TTC28: variants seen among roughly 807,000 people sequenced by gnomAD.
TTC28 encodes the protein tetratricopeptide repeat protein 28.
In TTC28, 61 loss-of-function variants were observed where a neutral mutation model predicts 198.0. The ratio of observed to expected loss-of-function variants is 0.31; its 90% CI spans 0.25 to 0.38. The LOEUF (loss-of-function observed/expected upper bound fraction) is 0.38. TTC28 is among the 10% of genes least tolerant of loss of function. The probability of loss-of-function intolerance (pLI) is 1.00; values close to 1 mark genes in which losing one functional copy is unlikely to be tolerated. For synonymous variants in TTC28, 1,171 were observed against 1,297.8 expected, an observed-to-expected ratio of 0.90 and a Z score of 2.10; for missense variants, 2,678 against 3,164.0, an observed-to-expected ratio of 0.85 and a Z score of 3.69.
At chr22:28,356,984 T>C (rs1047096054) in intron 2 of TTC28, among the ~76,000 whole-genome samples, 21 of 152,052 alleles carry the variant, frequency 1.4e-4, no homozygotes, top group African/African-American at 5.1e-4. Flanking sequence ...GGCCATGCTA[T>C]ATAATAATAA....
At chr22:28,588,141 C>A (rs1445294641) in intron 2 of TTC28, among the ~76,000 whole-genome samples, 80 of 138,756 alleles carry the variant, frequency 5.8e-4, no homozygotes, top group Admixed American at 7.0e-4. Flanking sequence ...GACTCCGTCT[C>A]AAAAAAAAAA....
At chr22:28,429,917 C>T (rs978834775) in intron 2 of TTC28, among the ~76,000 whole-genome samples, 1 of 152,082 alleles carries the variant, frequency 6.6e-6, no homozygotes, top group Non-Finnish European at 1.5e-5. Flanking sequence ...TTTTCACCAT[C>T]CAGACTATGA....
chr22:28,673,300 G>A (rs1182114455), intron 1 of TTC28, among the ~76,000 whole-genome samples: 5 of 152,160 alleles, frequency 3.3e-5, no homozygotes, highest in Non-Finnish European at 7.3e-5. Flanking sequence ...CGTGAACCCA[G>A]AAGGCGGAGC....
chr22:28,385,040 C>G (rs1018785271), intron 2 of TTC28, among the ~76,000 whole-genome samples: 1 of 150,186 alleles, frequency 6.7e-6, no homozygotes, highest in African/African-American at 2.4e-5. Context: ...ACTCGGGAGG[C>G]TGAGGCAGAA....
chr22:28,500,881 T>G (rs1229350340), intron 2 of TTC28, among the ~76,000 whole-genome samples: 1 of 152,162 alleles, frequency 6.6e-6, no homozygotes, highest in Non-Finnish European at 1.5e-5. Flanking sequence ...TCACTTGAGA[T>G]GCTGCATTGT....
chr22:28,029,109 T>C (rs770951566), intron 13 of TTC28: 34 of 471,064 alleles, frequency 7.2e-5, no homozygotes, highest in Non-Finnish European at 1.3e-4. Context: ...GCAAACCTGG[T>C]TGCATCCCTA....
At chr22:28,023,977 A>T (rs1032375033) in intron 13 of TTC28, among the ~76,000 whole-genome samples, 13 of 152,174 alleles carry the variant, frequency 8.5e-5, no homozygotes, top group Non-Finnish European at 1.6e-4. Context: ...TAATCAGCAG[A>T]CGCGCACTGC....
chr22:28,330,973 T>C (rs1421658477), intron 2 of TTC28, among the ~76,000 whole-genome samples: 1 of 152,162 alleles, frequency 6.6e-6, no homozygotes, highest in Non-Finnish European at 1.5e-5. Context: ...GTTTAAAAAT[T>C]ATGCTGTAAA....
intron 2 of TTC28, among the ~76,000 whole-genome samples, chr22:28,607,750 C>T (rs1031269502): frequency 6.6e-6 from 1 of 152,138 alleles, no homozygotes; most frequent in Non-Finnish European, 1.5e-5. Context: ...CCACCTATAG[C>T]AGATGATTGT....
intron 14 of TTC28, among the ~76,000 whole-genome samples, chr22:28,004,376 G>A (rs1282911115): frequency 2.0e-5 from 3 of 152,192 alleles, no homozygotes; most frequent in Non-Finnish European, 4.4e-5. Flanking sequence ...TCAGACCAGG[G>A]CATGCCCACC....
intron 2 of TTC28, among the ~76,000 whole-genome samples, chr22:28,491,730 T>C (rs1386199118): frequency 2.6e-5 from 4 of 152,164 alleles, no homozygotes; most frequent in African/African-American, 9.7e-5. Flanking sequence ...GAACTAGAAA[T>C]ACCATTTGAC....
At chr22:28,505,150 G>A (rs1052085123) in intron 2 of TTC28, among the ~76,000 whole-genome samples, 1 of 151,622 alleles carries the variant, frequency 6.6e-6, no homozygotes, top group East Asian at 1.9e-4. Flanking sequence ...CCAGCTACTC[G>A]GGAGGGTGAG....
intron 2 of TTC28, among the ~76,000 whole-genome samples, chr22:28,475,011 G>C (rs2048142403): frequency 6.6e-6 from 1 of 151,846 alleles, no homozygotes; most frequent in African/African-American, 2.4e-5. Context: ...TACTAAAAAA[G>C]AACATTAAGA....
At chr22:28,190,611 C>T (rs1476801175) in intron 5 of TTC28, among the ~76,000 whole-genome samples, 2 of 152,162 alleles carry the variant, frequency 1.3e-5, no homozygotes, top group East Asian at 3.8e-4. Flanking sequence ...GAAAATTCAG[C>T]TTTAGAATTT....
At chr22:28,592,276 A>G (rs2050448212) in intron 2 of TTC28, among the ~76,000 whole-genome samples, 1 of 152,088 alleles carries the variant, frequency 6.6e-6, no homozygotes, top group South Asian at 2.1e-4. Context: ...GCTTGAACCC[A>G]AAAGTGTGAG....
At chr22:28,397,027 A>G (rs2046829654) in intron 2 of TTC28, among the ~76,000 whole-genome samples, 1 of 152,202 alleles carries the variant, frequency 6.6e-6, no homozygotes, top group South Asian at 2.1e-4. Flanking sequence ...TGTGTGGCAA[A>G]CTAATCCAAT....
intron 5 of TTC28, among the ~76,000 whole-genome samples, chr22:28,289,522 T>A (rs2044747985): frequency 6.6e-6 from 1 of 152,062 alleles, no homozygotes; most frequent in Non-Finnish European, 1.5e-5. Context: ...CTATTAAGCA[T>A]CTGAGAGCAA....
chr22:28,388,647 G>A (rs1434823185), intron 2 of TTC28, among the ~76,000 whole-genome samples: 6 of 152,148 alleles, frequency 3.9e-5, no homozygotes, highest in Non-Finnish European at 7.3e-5. Context: ...CTCTCTGTCT[G>A]TTGTTGGTGT....
At position 28,264,494 on chromosome 22, in the gene TTC28, G is replaced by A. The variant is rs530182503; in HGVS notation, c.933+31704C>T. On this transcript the variant is annotated intron_variant, in intron 5 of 22. Transcript: ENST00000397906. ...TTAAAATGTTTAAATGTGTTCAGGA[G>A]AAGATGATGAGGGTGTCCATTACAG... Among the ~76,000 whole-genome samples, 140 of 152,338 alleles carry A rather than the reference G, an allele frequency of 9.2e-4. 1 individual carries two copies. The highest frequency in any genetic ancestry group is 3.2e-3 in the African/African-American group (133 of 41,574).
Sources: allele counts gnomAD v4.1 joint callset (sites outside exome capture counted in the v4.1 genomes callset), GRCh38; gene constraint gnomAD v4.1.1; transcripts MANE v1.5; gene names NCBI Gene and HGNC (gene_info 2026-07-23, HGNC 2026-07-21).